NME8: variants seen among roughly 807,000 people sequenced by gnomAD.
The protein encoded by NME8 is NME/NM23 family member 8.
NME8 carries 72 observed loss-of-function variants against 82.3 expected under a neutral mutation model. That is an observed-to-expected ratio of 0.87 (90% CI 0.72 to 1.06). NME8 has a LOEUF of 1.06. NME8 is among the 50% of genes least tolerant of loss of function. NME8 has a pLI of 0.00. For synonymous variants in NME8, 267 were observed against 228.5 expected (o/e 1.17, Z -1.52); for missense variants, 712 against 685.4 (o/e 1.04, Z -0.43).
At chr7:37,887,694 T>C (rs1457061911) in intron 14 of NME8, among the ~76,000 whole-genome samples, 3 of 152,112 alleles carry the variant, frequency 2.0e-5, no homozygotes, top group Non-Finnish European at 4.4e-5. Flanking sequence ...TATCCGAGAC[T>C]GGGTAATTTA....
At chr7:37,857,373 T>C in intron 6 of NME8, 28 bp downstream of exon 6, 4 of 1,437,130 alleles carry the variant, frequency 2.8e-6, no homozygotes, top group Middle Eastern at 1.8e-4. Flanking sequence ...CTCAATTGCA[T>C]TATCAGATTC....
chr7:37,884,869 C>T (rs542825858), intron 13 of NME8, among the ~76,000 whole-genome samples: 2 of 152,324 alleles, frequency 1.3e-5, no homozygotes, highest in East Asian at 3.9e-4. Flanking sequence ...TGAAATCCTG[C>T]AAGGGCATAT....
At chr7:37,863,567 A>G in intron 8 of NME8, 105 bp downstream of exon 8, 1 of 752,884 alleles carries the variant, frequency 1.3e-6, no homozygotes, top group Non-Finnish European at 2.4e-6. Context: ...CATGTTTATT[A>G]AGGAGGAATT....
intron 6 of NME8, 112 bp downstream of exon 6, chr7:37,857,457 T>C (rs919434453): frequency 1.5e-5 from 11 of 735,284 alleles, no homozygotes; most frequent in Non-Finnish European, 2.4e-5. Flanking sequence ...AATTACACAA[T>C]GTTTGCCTTA....
chr7:37,873,359 C>A (rs370892977), intron 11 of NME8, among the ~76,000 whole-genome samples: 2,377 of 104,164 alleles, frequency 0.023, no homozygotes, highest in Middle Eastern at 0.033. Flanking sequence ...GACTCTGTCT[C>A]AAAAAAAAAA....
chr7:37,858,045 A>G (rs1430536966), intron 6 of NME8, among the ~76,000 whole-genome samples: 1 of 152,088 alleles, frequency 6.6e-6, no homozygotes, highest in Non-Finnish European at 1.5e-5. Flanking sequence ...TTCAAAAATA[A>G]GTAATAATAA....
intron 16 of NME8, among the ~76,000 whole-genome samples, chr7:37,895,354 C>G (rs1785208559): frequency 6.6e-6 from 1 of 152,132 alleles, no homozygotes; most frequent in African/African-American, 2.4e-5. Context: ...GAGCTGTACA[C>G]ACTTTATTTC....
intron 12 of NME8, among the ~76,000 whole-genome samples, chr7:37,883,094 C>T (rs1014968094): frequency 2.0e-5 from 3 of 152,136 alleles, no homozygotes. Context: ...CAAGGATTGA[C>T]AATCGACCTA....
chr7:37,881,804 T>A (rs865944480), intron 12 of NME8, among the ~76,000 whole-genome samples: 8 of 152,336 alleles, frequency 5.3e-5, no homozygotes, highest in Non-Finnish European at 1.0e-4. Context: ...TTTTTCAGAA[T>A]GTTATTAAGA....
At chr7:37,871,153 G>A (rs147579295) in intron 11 of NME8, among the ~76,000 whole-genome samples, 63 of 152,230 alleles carry the variant, frequency 4.1e-4, no homozygotes, top group Middle Eastern at 3.4e-3. Flanking sequence ...ACCCCTCTGC[G>A]TACAGAGCAG....
At position 37,894,446 on chromosome 7, in the gene NME8, C is replaced by A; in HGVS notation, c.1400-20C>A. The A allele has an allele frequency of 6.2e-7, 1 of 1,607,808 alleles. No individual in the cohort carries two copies. Among genetic ancestry groups the A allele is most frequent in the South Asian group, 1.1e-5 (1 of 90,924 alleles). On this transcript the variant is annotated intron_variant, in intron 15 of 17. Coordinates refer to ENST00000199447, the MANE Select transcript of NME8 (RefSeq NM_016616.5). ...AAAGTGAAGCAATCTGCAATATTATCAAATATTTGTTTTTCTTAGAGCAGA... is the reference window on the plus strand; with the variant it reads ...AAAGTGAAGCAATCTGCAATATTATAAAATATTTGTTTTTCTTAGAGCAGA...
In NME8 at chr7:37,894,584, T is replaced by A; in HGVS notation, c.1518T>A (p.Tyr506Ter). The A allele has an allele frequency of 6.3e-7, 1 of 1,593,858 alleles. No individual in the cohort carries two copies. Among genetic ancestry groups the A allele is most frequent in the East Asian group, 2.2e-5 (1 of 44,668 alleles). The change falls in exon 16 of 18, where the codon TAT (tyrosine) becomes TAA (stop). Residue 506 changes from tyrosine (Y) to a stop codon, truncating the protein, a stop_gained. Coordinates refer to ENST00000199447, the MANE Select transcript of NME8 (RefSeq NM_016616.5). LOFTEE classifies it high-confidence loss of function. ...CAAAAGTAACAGGAAAAGACTTTTA[T>A]AAAGATTTATTGGAAATGTTATCTG... ...IYPKVTGKDF[Y>*]KDLLEMLSVG...
chr7:37,865,495 C>T (rs1377278264), intron 9 of NME8, 30 bp from the exon 10 acceptor site: 2 of 1,476,054 alleles, frequency 1.4e-6, no homozygotes, highest in Non-Finnish European at 1.9e-6. Context: ...TCCCACGACA[C>T]CTGGATTTGA....
intron 11 of NME8, among the ~76,000 whole-genome samples, chr7:37,869,241 A>T (rs1387404942): frequency 6.6e-6 from 1 of 152,156 alleles, no homozygotes; most frequent in Non-Finnish European, 1.5e-5. Context: ...TGTACGCAGG[A>T]TAAAGGAACT....
At chr7:37,889,139 T>C (rs1451789601) in intron 15 of NME8, among the ~76,000 whole-genome samples, 1 of 152,038 alleles carries the variant, frequency 6.6e-6, no homozygotes, top group Non-Finnish European at 1.5e-5. Flanking sequence ...ATTAAAGTTT[T>C]CTATCACCCT....
At position 37,867,785 on chromosome 7, in the gene NME8, T is replaced by G. The variant is rs750171088; in HGVS notation, c.705T>G (p.Pro235=). ...LVVSQGSKHN[P]PSEETEPQTD... ...TATCTCAAGGAAGTAAACACAATCC[T>G]CCCTCTGAAGAAACCGAACCACAGA... Residue 235 remains proline, a synonymous_variant, in exon 11 of 18, where the codon CCT becomes CCG. Transcript: ENST00000199447. 5 of 1,613,676 alleles carry G rather than the reference T, an allele frequency of 3.1e-6. No homozygotes were observed. The Admixed American group carries it at 8.3e-5, about 27-fold the overall frequency.
chr7:37,849,922 A>G (rs1222470558), intron 2 of NME8, among the ~76,000 whole-genome samples: 1 of 151,956 alleles, frequency 6.6e-6, no homozygotes, highest in East Asian at 1.9e-4. Flanking sequence ...ATTTGCTAGC[A>G]CAAACAGGTG....
intron 16 of NME8, 141 bp from the exon 17 acceptor site, chr7:37,896,729 G>A (rs1785234200): frequency 2.8e-6 from 2 of 716,588 alleles, no homozygotes; most frequent in Admixed American, 2.3e-5. Context: ...ATGAAAAAAA[G>A]AAAGTACATG....
intron 11 of NME8, 69 bp downstream of exon 11, chr7:37,867,967 C>A: frequency 7.6e-7 from 1 of 1,309,912 alleles, no homozygotes; most frequent in East Asian, 2.4e-5. Context: ...AGTGTAGGCA[C>A]CTCAGTACCT....
Sources: gnomAD v4.1 joint callset for allele counts (sites outside exome capture counted in the v4.1 genomes callset) on GRCh38, gnomAD v4.1.1 for gene constraint, MANE v1.5 for transcripts, NCBI Gene and HGNC (gene_info 2026-07-23, HGNC 2026-07-21) for gene names.